Variants in KIRREL3 observed in about 807,000 individuals in gnomAD.
KIRREL3 encodes kin of IRRE-like protein 3.
In KIRREL3, 36 loss-of-function variants were observed where a neutral mutation model predicts 89.7. The observed-to-expected ratio is 0.40, with a 90% CI of 0.31 to 0.53. KIRREL3 has a LOEUF of 0.53. Among genes scored for constraint, KIRREL3 ranks in the 20% least tolerant of loss-of-function variants. The pLI, the probability that KIRREL3 is intolerant of heterozygous loss-of-function variation, is 0.49. For synonymous variants in KIRREL3, 445 were observed against 441.4 expected (o/e 1.01, Z -0.10); for missense variants, 864 against 1,056.6 (o/e 0.82, Z 2.53).
rs931851360 is a variant in KIRREL3, at chr11:126,763,638, C to T, written c.56-200726G>A. ...GGTAGGCAATGGCCAGTGGGGCCAG[C>T]GCGGGTTTGAAATCTATCTTCCCCA... On this transcript the variant is annotated intron_variant, in intron 1 of 16. Transcript: ENST00000525144. The surrounding 1 kb of genome is among the most constrained non-coding windows in gnomAD (Gnocchi z 4.7). Among the ~76,000 whole-genome samples, 2 of 152,152 alleles carry T rather than the reference C, an allele frequency of 1.3e-5. No homozygotes were observed. Among genetic ancestry groups the T allele is most frequent in the African/African-American group, 2.4e-5 (1 of 41,422 alleles).
At chr11:126,633,043 C>T (rs1170725048) in intron 1 of KIRREL3, among the ~76,000 whole-genome samples, 1 of 152,156 alleles carries the variant, frequency 6.6e-6, no homozygotes, top group African/African-American at 2.4e-5. Flanking sequence ...TCTATCACCA[C>T]TGCACTTCAG....
chr11:126,778,756 G>A lies in KIRREL3; in HGVS notation c.56-215844C>T, dbSNP rs538996423. On this transcript the variant is annotated intron_variant, in intron 1 of 16. Transcript: ENST00000525144. This position sits in a 1 kb window ranked among gnomAD's most constrained non-coding sequence, Gnocchi z 4.5. ...CTATGTTAGCTCTTTGTGAACAAAA[G>A]CTATCATGCAGGGCCCATGTAAACA... Among the ~76,000 whole-genome samples the A allele has an allele frequency of 5.7e-4, 87 of 152,268 alleles. No homozygotes were observed. The highest frequency in any genetic ancestry group is 1.9e-3 in the African/African-American group (81 of 41,554).
chr11:126,882,186 C>G (rs1404172111), intron 1 of KIRREL3, among the ~76,000 whole-genome samples: 2 of 152,282 alleles, frequency 1.3e-5, no homozygotes, highest in East Asian at 3.9e-4. Flanking sequence ...ACTGAAGGAT[C>G]CTTTCAAATG....
intron 13 of KIRREL3, among the ~76,000 whole-genome samples, 160 bp downstream of exon 13, chr11:126,435,108 C>T (rs1955269833): frequency 6.6e-6 from 1 of 152,036 alleles, no homozygotes; most frequent in Non-Finnish European, 1.5e-5. Flanking sequence ...GGGACCTCCT[C>T]TCCCCACTGC....
rs927605606 is a variant in KIRREL3, at chr11:126,802,950, G to C, written c.55+197505C>G. Among the ~76,000 whole-genome samples the C allele has an allele frequency of 3.9e-5, 6 of 152,148 alleles. No individual in the cohort carries two copies. The highest frequency in any genetic ancestry group is 1.2e-4 in the African/African-American group (5 of 41,432). ...AGAACCTATCAATGACATTAAGTGAGGACTTACTGTGTAAGGGAGCTGTAT... is the reference window on the plus strand; with the variant it reads ...AGAACCTATCAATGACATTAAGTGACGACTTACTGTGTAAGGGAGCTGTAT... On this transcript the variant is annotated intron_variant, in intron 1 of 16. Coordinates refer to ENST00000525144, the MANE Select transcript of KIRREL3 (RefSeq NM_032531.4). The surrounding 1 kb of genome is among the most constrained non-coding windows in gnomAD (Gnocchi z 5.2).
chr11:126,572,015 A>C (rs1395851884), intron 1 of KIRREL3, among the ~76,000 whole-genome samples: 1 of 152,196 alleles, frequency 6.6e-6, no homozygotes, highest in African/African-American at 2.4e-5. Flanking sequence ...TCCTAACAGA[A>C]AGTTGGAAGT....
rs1156366444 is a variant in KIRREL3, at chr11:126,525,609, G to T, written c.283+929C>A. Among the ~76,000 whole-genome samples the T allele has an allele frequency of 6.6e-6, 1 of 152,170 alleles. No individual in the cohort carries two copies. The highest frequency in any genetic ancestry group is 1.5e-5 in the Non-Finnish European group (1 of 68,044). On this transcript the variant is annotated intron_variant, in intron 3 of 16. Transcript: ENST00000525144. This position sits in a 1 kb window ranked among gnomAD's most constrained non-coding sequence, Gnocchi z 5.4. ...ATTTTCCTGCAGCTGTACACCATGC[G>T]AGAGGCAAAGTTACTTCTCAGCTGA...
At position 126,571,803 on chromosome 11, in the gene KIRREL3, C is replaced by T. The variant is rs116161057; in HGVS notation, c.56-8891G>A. 3.7e-3 allele frequency among the ~76,000 whole-genome samples: 567 copies of T among 152,272 alleles called. 8 individuals are homozygous for T. The highest frequency in any genetic ancestry group is 0.011 in the African/African-American group (440 of 41,528). On this transcript the variant is annotated intron_variant, in intron 1 of 16. Coordinates refer to ENST00000525144, the MANE Select transcript of KIRREL3 (RefSeq NM_032531.4). The surrounding 1 kb of genome is among the most constrained non-coding windows in gnomAD (Gnocchi z 7.7). ...AAATAATGTTGGTTAAAGAATTTTA[C>T]GGGAAACAGTTTTATCCCATGTGCA...
chr11:126,598,590 GA>G (rs1942505255), intron 1 of KIRREL3, among the ~76,000 whole-genome samples: 1 of 152,196 alleles, frequency 6.6e-6, no homozygotes, highest in African/African-American at 2.4e-5. Context: ...TATGACCCAA[GA>G]ATGGAAGCCA....
intron 1 of KIRREL3, among the ~76,000 whole-genome samples, chr11:126,767,093 G>A (rs1339136673): frequency 6.6e-6 from 1 of 152,232 alleles, no homozygotes; most frequent in Non-Finnish European, 1.5e-5. Context: ...GGGCCCCAGA[G>A]CTCCTTCTGA....
At chr11:126,667,536 G>A (rs950912106) in intron 1 of KIRREL3, among the ~76,000 whole-genome samples, 1 of 152,138 alleles carries the variant, frequency 6.6e-6, no homozygotes, top group African/African-American at 2.4e-5. Flanking sequence ...GGGAGAGAAG[G>A]GCTGTCTTTT....
Position 126,705,998 on chromosome 11 carries a change from CA to C in KIRREL3, c.56-143087del, listed in dbSNP as rs1301698122. On this transcript the variant is annotated intron_variant, in intron 1 of 16. Coordinates refer to ENST00000525144, the MANE Select transcript of KIRREL3 (RefSeq NM_032531.4). This position sits in a 1 kb window ranked among gnomAD's most constrained non-coding sequence, Gnocchi z 4.3. ...CACAGAGGAAAATGGAGGCAGTGGC[CA>C]AAAACATAAGTCAAGCTCCTAGTCA... Among the ~76,000 whole-genome samples the C allele has an allele frequency of 6.6e-6, 1 of 152,144 alleles. No individual in the cohort carries two copies. The highest frequency in any genetic ancestry group is 1.5e-5 in the Non-Finnish European group (1 of 68,018).
At chr11:126,798,970 T>C (rs939799594) in intron 1 of KIRREL3, among the ~76,000 whole-genome samples, 1 of 152,124 alleles carries the variant, frequency 6.6e-6, no homozygotes, top group African/African-American at 2.4e-5. Flanking sequence ...CGAAAGGACT[T>C]ATGAACTACC....
rs531364551 is a variant in KIRREL3 at position 126,590,171 on chromosome 11, C to T, written c.56-27259G>A. On this transcript the variant is annotated intron_variant, in intron 1 of 16. Transcript: ENST00000525144. ...TCCTCATTTGACATGGTCTTTTGAC[C>T]TTAACTACCTTGGTTATTCGTTTTG... Among the ~76,000 whole-genome samples the T allele has an allele frequency of 4.6e-5, 7 of 152,318 alleles. No homozygotes were observed. The South Asian group carries it at 1.5e-3, about 32-fold the overall frequency.
intron 4 of KIRREL3, among the ~76,000 whole-genome samples, chr11:126,505,806 C>T (rs985038367): frequency 7.2e-5 from 11 of 151,888 alleles, no homozygotes; most frequent in East Asian, 1.9e-4. Flanking sequence ...AAATTGAAGA[C>T]GTAAAAAAAT....
chr11:126,730,340 T>C (rs1286238556), intron 1 of KIRREL3, among the ~76,000 whole-genome samples: 1 of 152,212 alleles, frequency 6.6e-6, no homozygotes, highest in Non-Finnish European at 1.5e-5. Context: ...CCCCTAATTG[T>C]CCACCAGAAA....
rs1215672546 is a variant in KIRREL3, at chr11:126,723,527, AG to A, written c.56-160616del. Among the ~76,000 whole-genome samples the A allele has an allele frequency of 6.6e-6, 1 of 152,198 alleles. No individual in the cohort carries two copies. The highest frequency in any genetic ancestry group is 1.5e-5 in the Non-Finnish European group (1 of 68,026). Reference sequence around the variant, plus strand: ...CCAACATTTACCTCACACCTCCCTTAGTAGGCAAGAAAGCATTTCCTAAACC... The same window carrying A: ...CCAACATTTACCTCACACCTCCCTTATAGGCAAGAAAGCATTTCCTAAACC... On this transcript the variant is annotated intron_variant, in intron 1 of 16. Coordinates refer to ENST00000525144, the MANE Select transcript of KIRREL3 (RefSeq NM_032531.4). The surrounding 1 kb of genome is among the most constrained non-coding windows in gnomAD (Gnocchi z 4.0).
chr11:126,656,622 T>C lies in KIRREL3; in HGVS notation c.56-93710A>G, dbSNP rs1360978825. On this transcript the variant is annotated intron_variant, in intron 1 of 16. Transcript: ENST00000525144. This position sits in a 1 kb window ranked among gnomAD's most constrained non-coding sequence, Gnocchi z 4.0. ...ACAGGGGCAGTTTAAATCTTCATGCTTTTACCACCTTATACTGAGTAAGAA... is the reference window on the plus strand; with the variant it reads ...ACAGGGGCAGTTTAAATCTTCATGCCTTTACCACCTTATACTGAGTAAGAA... 6.6e-6 allele frequency among the ~76,000 whole-genome samples: 1 copy of C among 152,234 alleles called. No homozygotes were observed. Among genetic ancestry groups the C allele is most frequent in the Non-Finnish European group, 1.5e-5 (1 of 68,044 alleles).
At chr11:126,585,220 CTTTTTTTTTTTTTTTTT>C (rs3042225) in intron 1 of KIRREL3, among the ~76,000 whole-genome samples, 1 of 81,888 alleles carries the variant, frequency 1.2e-5, no homozygotes, top group East Asian at 3.2e-4. Flanking sequence ...CGCCCGGCCT[CTTTTTTTTTTTTTTTTT>C]TTTTTTTTTT....
Sources: gnomAD v4.1 joint callset for allele counts (sites outside exome capture counted in the v4.1 genomes callset) on GRCh38, gnomAD v4.1.1 for gene constraint, Gnocchi (gnomAD v3.1) non-coding constraint, MANE v1.5 for transcripts, NCBI Gene and HGNC (gene_info 2026-07-23, HGNC 2026-07-21) for gene names.